Variants in CCSER1 observed in about 807,000 individuals in gnomAD.
CCSER1 encodes the protein serine-rich coiled-coil domain-containing protein 1.
In CCSER1, 41 loss-of-function variants were observed where a neutral mutation model predicts 82.0. The ratio of observed to expected loss-of-function variants is 0.50; its 90% confidence interval spans 0.39 to 0.65. CCSER1 has a LOEUF of 0.65. Among genes scored for constraint, CCSER1 ranks in the 30% least tolerant of loss-of-function variants. CCSER1 has a pLI of 0.00. For missense variants in CCSER1, 1,119 were observed against 1,064.2 expected (o/e 1.05, Z -0.72); for synonymous variants, 414 against 383.9 (o/e 1.08, Z -0.92).
chr4:91,561,130 A>G (rs1035913083), intron 10 of CCSER1, among the ~76,000 whole-genome samples: 1 of 151,448 alleles, frequency 6.6e-6, no homozygotes, highest in African/African-American at 2.4e-5. Context: ...TCCTCTGTAT[A>G]TACAGAAGCC....
At chr4:90,444,193 C>T (rs1007091579) in intron 4 of CCSER1, among the ~76,000 whole-genome samples, 7 of 151,752 alleles carry the variant, frequency 4.6e-5, no homozygotes, top group Admixed American at 2.0e-4. Context: ...TTTGGCACAC[C>T]GAGGTAAAAT....
chr4:90,340,707 C>T (rs954803309), intron 3 of CCSER1, among the ~76,000 whole-genome samples: 3 of 152,012 alleles, frequency 2.0e-5, no homozygotes, highest in Non-Finnish European at 1.5e-5. Flanking sequence ...TAATAGGTTT[C>T]CCCCTTTTTA....
intron 1 of CCSER1, among the ~76,000 whole-genome samples, chr4:90,285,709 G>C (rs921957530): frequency 6.6e-6 from 1 of 151,872 alleles, no homozygotes; most frequent in Non-Finnish European, 1.5e-5. Flanking sequence ...ATACATCCTT[G>C]TCTTTTCTAT....
intron 1 of CCSER1, among the ~76,000 whole-genome samples, chr4:90,187,958 C>G (rs552187505): frequency 2.3e-4 from 35 of 152,028 alleles, no homozygotes; most frequent in Non-Finnish European, 3.4e-4. Context: ...AAATTCAGCT[C>G]TTTGTGCTCT....
chr4:90,326,385 G>A (rs771703604), intron 3 of CCSER1, among the ~76,000 whole-genome samples: 10 of 151,856 alleles, frequency 6.6e-5, no homozygotes, highest in South Asian at 2.1e-4. Flanking sequence ...TAAACTAGCC[G>A]TTTCTAAATT....
At chr4:91,404,817 A>G (rs895069685) in intron 10 of CCSER1, among the ~76,000 whole-genome samples, 2 of 152,130 alleles carry the variant, frequency 1.3e-5, no homozygotes, top group Non-Finnish European at 2.9e-5. Flanking sequence ...ACTTCCTACT[A>G]TGTGGTCAAT....
At chr4:91,142,740 C>A (rs894178618) in intron 10 of CCSER1, among the ~76,000 whole-genome samples, 1 of 152,068 alleles carries the variant, frequency 6.6e-6, no homozygotes, top group Non-Finnish European at 1.5e-5. Flanking sequence ...ATCGAGAGTC[C>A]TTTCCTTATA....
intron 8 of CCSER1, among the ~76,000 whole-genome samples, chr4:90,823,699 A>G (rs1760075241): frequency 6.6e-6 from 1 of 151,916 alleles, no homozygotes; most frequent in Non-Finnish European, 1.5e-5. Flanking sequence ...ATAATTAAAT[A>G]TTTTACTGAA....
At chr4:91,425,674 T>TA (rs1243101191) in intron 10 of CCSER1, among the ~76,000 whole-genome samples, 1 of 152,176 alleles carries the variant, frequency 6.6e-6, no homozygotes, top group East Asian at 1.9e-4. Context: ...ATTGGGTATC[T>TA]AAAATAATCA....
At chr4:90,328,338 C>CTT in intron 3 of CCSER1, among the ~76,000 whole-genome samples, 1 of 150,338 alleles carries the variant, frequency 6.7e-6, no homozygotes. Context: ...GGATTCTCTC[C>CTT]TTTTTTTTTT....
intron 9 of CCSER1, among the ~76,000 whole-genome samples, chr4:91,012,623 A>C (rs570248699): frequency 1.1e-4 from 16 of 152,116 alleles, no homozygotes; most frequent in Non-Finnish European, 1.5e-4. Flanking sequence ...AGGGTAGTTC[A>C]GCAGTAGCTA....
chr4:91,442,015 A>G (rs1755195282), intron 10 of CCSER1, among the ~76,000 whole-genome samples: 1 of 152,236 alleles, frequency 6.6e-6, no homozygotes, highest in Non-Finnish European at 1.5e-5. Context: ...ATGGATAGGA[A>G]GAATCAATAT....
At chr4:90,426,435 G>A (rs1323335499) in intron 4 of CCSER1, among the ~76,000 whole-genome samples, 1 of 152,112 alleles carries the variant, frequency 6.6e-6, no homozygotes, top group African/African-American at 2.4e-5. Flanking sequence ...CTTAGAAGGG[G>A]TTGTACTTGA....
chr4:90,628,496 G>A (rs1723748730), intron 6 of CCSER1, among the ~76,000 whole-genome samples: 1 of 152,158 alleles, frequency 6.6e-6, no homozygotes, highest in Non-Finnish European at 1.5e-5. Flanking sequence ...CTATTTGTCA[G>A]GTAAGGAGAA....
At chr4:90,793,925 A>C (rs955022150) in intron 7 of CCSER1, among the ~76,000 whole-genome samples, 8 of 152,104 alleles carry the variant, frequency 5.3e-5, no homozygotes, top group Non-Finnish European at 1.0e-4. Flanking sequence ...AGTGATGTTG[A>C]GCTTTTTTGA....
chr4:90,907,157 A>G (rs1023442162), intron 8 of CCSER1, among the ~76,000 whole-genome samples: 1 of 152,142 alleles, frequency 6.6e-6, no homozygotes, highest in African/African-American at 2.4e-5. Context: ...CTATAAACTT[A>G]TGCCTAGACA....
intron 3 of CCSER1, among the ~76,000 whole-genome samples, chr4:90,321,922 T>G (rs1737211387): frequency 6.6e-6 from 1 of 152,158 alleles, no homozygotes; most frequent in Non-Finnish European, 1.5e-5. Flanking sequence ...TTTTCTCCCC[T>G]TCTGTGGGTT....
At chr4:91,457,676 A>C (rs924132856) in intron 10 of CCSER1, among the ~76,000 whole-genome samples, 3 of 152,142 alleles carry the variant, frequency 2.0e-5, no homozygotes, top group Admixed American at 2.0e-4. Flanking sequence ...TTGAAAAAAA[A>C]CATAAAATAA....
At chr4:90,944,099 G>T (rs1165270195) in intron 9 of CCSER1, among the ~76,000 whole-genome samples, 4 of 151,642 alleles carry the variant, frequency 2.6e-5, no homozygotes, top group Non-Finnish European at 5.9e-5. Context: ...CTGGGCGAGC[G>T]GCTTGAGCCT....
Sources: gnomAD v4.1 joint callset for allele counts (sites outside exome capture counted in the v4.1 genomes callset) on GRCh38, gnomAD v4.1.1 for gene constraint, MANE v1.5 for transcripts, NCBI Gene and HGNC (gene_info 2026-07-23, HGNC 2026-07-21) for gene names.